Variants in GLT1D1 observed in about 807,000 individuals in gnomAD.
GLT1D1 encodes glycosyltransferase 1 domain containing 1.
GLT1D1 carries 21 observed loss-of-function variants against 28.7 expected under a neutral mutation model. The ratio of observed to expected loss-of-function variants is 0.73; its 90% confidence interval spans 0.52 to 1.05. The LOEUF (loss-of-function observed/expected upper bound fraction) is 1.05. GLT1D1 is among the 50% of genes least tolerant of loss of function. The pLI is 0.00. For missense variants in GLT1D1, 343 were observed against 330.6 expected, an observed-to-expected ratio of 1.04 and a Z score of -0.29; for synonymous variants, 147 against 124.8, an observed-to-expected ratio of 1.18 and a Z score of -1.19.
chr12:128,976,815 GAGA>G (rs1470600574), intron 7 of GLT1D1, among the ~76,000 whole-genome samples: 1 of 152,144 alleles, frequency 6.6e-6, no homozygotes, highest in Non-Finnish European at 1.5e-5. Flanking sequence ...ACATCATCAT[GAGA>G]AGGATTGTAA....
chr12:128,879,834 A>G (rs967000655), intron 2 of GLT1D1, among the ~76,000 whole-genome samples: 1 of 152,216 alleles, frequency 6.6e-6, no homozygotes, highest in Admixed American at 6.5e-5. Context: ...TTAGGTCTGT[A>G]TATTTAACTC....
At chr12:128,907,102 A>C in intron 4 of GLT1D1, 1 of 626,530 alleles carries the variant, frequency 1.6e-6, no homozygotes. Context: ...CCATTGCTTT[A>C]TGTCTGATTA....
intron 2 of GLT1D1, among the ~76,000 whole-genome samples, chr12:128,885,411 TG>T (rs1180193401): frequency 6.6e-6 from 1 of 152,052 alleles, no homozygotes; most frequent in East Asian, 1.9e-4. Context: ...TTAGTAGAGA[TG>T]GGGTTTCACC....
chr12:128,962,567 G>A (rs1362734086), intron 7 of GLT1D1, among the ~76,000 whole-genome samples: 1 of 152,192 alleles, frequency 6.6e-6, no homozygotes, highest in Non-Finnish European at 1.5e-5. Context: ...GGGTGAGGTG[G>A]CCTGGTCAGG....
intron 4 of GLT1D1, among the ~76,000 whole-genome samples, chr12:128,917,112 C>G (rs1872180889): frequency 6.6e-6 from 1 of 152,080 alleles, no homozygotes; most frequent in Admixed American, 6.6e-5. Flanking sequence ...TTTCTTTGCC[C>G]ATTGAATTGC....
intron 1 of GLT1D1, among the ~76,000 whole-genome samples, chr12:128,861,245 T>G (rs916871592): frequency 3.9e-5 from 6 of 152,220 alleles, no homozygotes; most frequent in African/African-American, 1.4e-4. Context: ...CGCTTACGTG[T>G]TGTTCACATT....
At chr12:128,863,332 G>A (rs12231329) in intron 1 of GLT1D1, among the ~76,000 whole-genome samples, 38,973 of 151,928 alleles carry the variant, frequency 0.26, 5,301 homozygotes, top group South Asian at 0.53. Flanking sequence ...TCTGGAATGG[G>A]AGCTTTGTGA....
intron 1 of GLT1D1, among the ~76,000 whole-genome samples, chr12:128,869,126 C>T (rs1419630156): frequency 2.6e-5 from 4 of 152,202 alleles, no homozygotes; most frequent in Non-Finnish European, 5.9e-5. Context: ...GCCTTGGCCT[C>T]CCAGAGTGCT....
At chr12:128,941,600 T>C (rs11060030) in intron 4 of GLT1D1, among the ~76,000 whole-genome samples, 16,512 of 134,302 alleles carry the variant, frequency 0.12, 1,397 homozygotes, top group East Asian at 0.35. Flanking sequence ...TGAGACAGAG[T>C]CTCACTCTGT....
chr12:128,944,905 G>A (rs1262609231), intron 4 of GLT1D1: 31 of 449,696 alleles, frequency 6.9e-5, no homozygotes, highest in Admixed American at 3.4e-4. Context: ...CCATCAACTC[G>A]TCATTTACAT....
At chr12:128,865,093 AT>A (rs1956481633) in intron 1 of GLT1D1, among the ~76,000 whole-genome samples, 1 of 152,088 alleles carries the variant, frequency 6.6e-6, no homozygotes, top group Non-Finnish European at 1.5e-5. Context: ...GCTCAGCCAG[AT>A]TGCATCTCTT....
chr12:128,970,149 C>T (rs1223895990), intron 7 of GLT1D1, among the ~76,000 whole-genome samples: 1 of 152,190 alleles, frequency 6.6e-6, no homozygotes, highest in African/African-American at 2.4e-5. Context: ...CATGTTGGCA[C>T]TGGTAGAAGC....
intron 4 of GLT1D1, among the ~76,000 whole-genome samples, chr12:128,916,403 A>T (rs940951144): frequency 1.3e-5 from 2 of 152,154 alleles, no homozygotes; most frequent in Admixed American, 1.3e-4. Context: ...AAATAGCTTG[A>T]CTATATGATT....
intron 4 of GLT1D1, among the ~76,000 whole-genome samples, chr12:128,910,608 G>A (rs1871408231): frequency 6.6e-6 from 1 of 151,404 alleles, no homozygotes; most frequent in Non-Finnish European, 1.5e-5. Flanking sequence ...AGCTTTCCAG[G>A]GAAATTATAA....
Position 128,948,318 on chromosome 12 carries a change from G to A in GLT1D1, c.540+860G>A, listed in dbSNP as rs528107248. Among the ~76,000 whole-genome samples, 11 of 152,180 alleles carry A rather than the reference G, an allele frequency of 7.2e-5. No homozygotes were observed. In the East Asian group the frequency reaches 1.4e-3, roughly 19 times the overall value. The stretch of plus-strand genomic sequence containing the variant: ...AAAAAGATGTTCCTTCTCTTGTTTC[G>A]TTGTTAGTTCATTGCCCTGGGGGCT... On this transcript the variant is annotated intron_variant, in intron 6 of 7. Transcript: ENST00000281703.
At chr12:128,896,114 TG>T (rs1381131492) in intron 3 of GLT1D1, among the ~76,000 whole-genome samples, 1 of 152,044 alleles carries the variant, frequency 6.6e-6, no homozygotes, top group Non-Finnish European at 1.5e-5. Flanking sequence ...GTGGTTTAAA[TG>T]AGAAGAGAGG....
intron 4 of GLT1D1, among the ~76,000 whole-genome samples, chr12:128,931,524 T>A (rs1593149639): frequency 1.3e-5 from 2 of 151,686 alleles, no homozygotes; most frequent in Admixed American, 1.3e-4. Flanking sequence ...GCCAGGCTGG[T>A]CTCGAACTCC....
At chr12:128,972,379 T>C (rs1879267956) in intron 7 of GLT1D1, among the ~76,000 whole-genome samples, 1 of 152,190 alleles carries the variant, frequency 6.6e-6, no homozygotes, top group African/African-American at 2.4e-5. Flanking sequence ...TGACTTGGGC[T>C]GGAGGGAGCA....
At chr12:128,911,253 T>C (rs1332266693) in intron 4 of GLT1D1, among the ~76,000 whole-genome samples, 1 of 152,220 alleles carries the variant, frequency 6.6e-6, no homozygotes, top group African/African-American at 2.4e-5. Flanking sequence ...TCTGCCTGGA[T>C]GCTGCCTCTA....
Sources: gnomAD v4.1 joint callset for allele counts (sites outside exome capture counted in the v4.1 genomes callset) on GRCh38, gnomAD v4.1.1 for gene constraint, MANE v1.5 for transcripts, NCBI Gene and HGNC (gene_info 2026-07-23, HGNC 2026-07-21) for gene names.